PRORP: variants seen among roughly 807,000 people sequenced by gnomAD.
PRORP encodes the protein mitochondrial ribonuclease P catalytic subunit.
PRORP carries 51 observed loss-of-function variants against 59.4 expected under a neutral mutation model. That is an observed-to-expected ratio of 0.86 (90% CI 0.69 to 1.08). The LOEUF is 1.08. Among genes scored for constraint, PRORP ranks in the 50% least tolerant of loss-of-function variants. PRORP has a pLI of 0.00. For missense variants in PRORP, 646 were observed against 690.3 expected (o/e 0.94, Z 0.72); for synonymous variants, 231 against 245.6 (o/e 0.94, Z 0.55).
chr14:35,127,062 C>G (rs998639823), intron 3 of PRORP, among the ~76,000 whole-genome samples: 5 of 152,072 alleles, frequency 3.3e-5, no homozygotes, highest in Admixed American at 1.3e-4. Context: ...ATTTAATTCA[C>G]CAATATGATA....
chr14:35,216,131 A>C, intron 5 of PRORP, among the ~76,000 whole-genome samples: 1 of 147,708 alleles, frequency 6.8e-6, no homozygotes, highest in Admixed American at 6.8e-5. Flanking sequence ...TATAATATAT[A>C]ATATATTTAT....
rs139052806 is a variant in PRORP at position 35,183,172 on chromosome 14, TTG to T, written c.1275+2403_1275+2404del. 4.9e-3 allele frequency among the ~76,000 whole-genome samples: 751 copies of T among 151,996 alleles called. 6 individuals are homozygous for T. Among genetic ancestry groups the T allele is most frequent in the Non-Finnish European group, 7.6e-3 (518 of 67,948 alleles). On this transcript the variant is annotated intron_variant, in intron 5 of 7. Coordinates refer to ENST00000534898, the MANE Select transcript of PRORP (RefSeq NM_014672.4). ...ATAGATAAATGTTTGTTAGATAAGT[TTG>T]TGTGTGTATGCCCAAAAAATTTCTA...
At position 35,151,934 on chromosome 14, in the gene PRORP, CTT is replaced by C. The variant is rs11342103; in HGVS notation, c.1167+24339_1167+24340del. ...TCTTCTTTTTTTTTTGTTAATCCAT[CTT>C]TTTTTTTTTTTTTTTATTGATCATT... On this transcript the variant is annotated intron_variant, in intron 4 of 7. Coordinates refer to ENST00000534898, the MANE Select transcript of PRORP (RefSeq NM_014672.4). 1.0e-3 allele frequency among the ~76,000 whole-genome samples: 125 copies of C among 124,806 alleles called. 1 individual carries two copies. The highest frequency in any genetic ancestry group is 4.3e-3 in the East Asian group (18 of 4,170). The allele number at this position is 124,806 out of a possible 152,430, so 81.9% of individuals were successfully genotyped here.
chr14:35,151,745 G>A (rs1341563768), intron 4 of PRORP, among the ~76,000 whole-genome samples: 1 of 151,700 alleles, frequency 6.6e-6, no homozygotes, highest in African/African-American at 2.4e-5. Flanking sequence ...ATTTTTAAAT[G>A]CCTGTTTAGA....
intron 5 of PRORP, among the ~76,000 whole-genome samples, chr14:35,197,044 A>G (rs1008924268): frequency 5.9e-5 from 9 of 152,188 alleles, no homozygotes; most frequent in Admixed American, 4.6e-4. Flanking sequence ...AGATTTCCCC[A>G]ATTGTTGTAG....
chr14:35,273,028 G>A (rs185656114), intron 7 of PRORP, among the ~76,000 whole-genome samples: 1 of 152,018 alleles, frequency 6.6e-6, no homozygotes, highest in African/African-American at 2.4e-5. Context: ...ACAGTTTTTT[G>A]TTGTTGTTGT....
intron 5 of PRORP, among the ~76,000 whole-genome samples, chr14:35,191,476 A>T (rs185516005): frequency 7.9e-5 from 12 of 152,220 alleles, no homozygotes; most frequent in South Asian, 6.2e-4. Flanking sequence ...CTGAGGCGGG[A>T]GAATCACTTG....
In PRORP at chr14:35,274,992, A is replaced by G. The variant is rs554280157; in HGVS notation, c.*1426A>G. 2.0e-5 allele frequency: 3 copies of G among 152,238 alleles called. No homozygotes were observed. The East Asian group carries it at 5.8e-4, about 29-fold the overall frequency. 9.4% of individuals were successfully genotyped at this position (152,238 alleles called of 1,614,324 possible). A position where few individuals can be genotyped will look rare whatever the true frequency, so the allele number is the denominator to read the frequency against. ...ATGATAGTTCTTTCTTTACGTATAC[A>G]TACTGTATTCAATATGCAAGAACAG... On this transcript the variant is annotated 3_prime_UTR_variant, in exon 8 of 8. Coordinates refer to ENST00000534898, the MANE Select transcript of PRORP (RefSeq NM_014672.4).
At chr14:35,233,126 G>A (rs1262077687) in intron 5 of PRORP, among the ~76,000 whole-genome samples, 3 of 136,924 alleles carry the variant, frequency 2.2e-5, no homozygotes, top group South Asian at 2.2e-4. Context: ...CAACCCATTC[G>A]GCAAATACTT....
chr14:35,239,503 A>G (rs1319991386), intron 5 of PRORP, among the ~76,000 whole-genome samples: 2 of 151,740 alleles, frequency 1.3e-5, no homozygotes, highest in Non-Finnish European at 3.0e-5. Context: ...CTTATAATTA[A>G]GAGTTTATTA....
At chr14:35,235,509 C>G (rs1313716459) in intron 5 of PRORP, 1 of 602,894 alleles carries the variant, frequency 1.7e-6, no homozygotes, top group African/African-American at 1.8e-5. Flanking sequence ...TGTGCAGTCA[C>G]CACCAGCTGA....
intron 5 of PRORP, among the ~76,000 whole-genome samples, chr14:35,257,475 T>C (rs1450080879): frequency 6.6e-6 from 1 of 152,208 alleles, no homozygotes; most frequent in African/African-American, 2.4e-5. Context: ...AGTGTCTGGC[T>C]TTTTTCACTT....
intron 4 of PRORP, among the ~76,000 whole-genome samples, chr14:35,173,396 C>T (rs537487821): frequency 1.2e-4 from 18 of 152,284 alleles, no homozygotes; most frequent in African/African-American, 3.9e-4. Context: ...CAGTGGGTAG[C>T]AGCTGAGATC....
chr14:35,265,202 G>A (rs1408762081), intron 5 of PRORP, among the ~76,000 whole-genome samples: 1 of 152,066 alleles, frequency 6.6e-6, no homozygotes, highest in African/African-American at 2.4e-5. Context: ...AGAGAAGCTA[G>A]ACTAAAATAA....
At chr14:35,140,268 A>T (rs1309894112) in intron 4 of PRORP, among the ~76,000 whole-genome samples, 1 of 144,060 alleles carries the variant, frequency 6.9e-6, no homozygotes, top group African/African-American at 2.5e-5. Flanking sequence ...AAACTGCCCA[A>T]CTGTTTTCCA....
At chr14:35,257,669 TC>T (rs1280931498) in intron 5 of PRORP, among the ~76,000 whole-genome samples, 11 of 152,306 alleles carry the variant, frequency 7.2e-5, no homozygotes, top group Admixed American at 1.3e-4. Flanking sequence ...TAATGAATGT[TC>T]TTATAAATGA....
chr14:35,153,516 CAG>C (rs1595199742), intron 4 of PRORP, among the ~76,000 whole-genome samples: 2 of 152,272 alleles, frequency 1.3e-5, no homozygotes, highest in East Asian at 3.9e-4. Context: ...TTGTAAGTAA[CAG>C]AATTAAGATT....
chr14:35,271,727 A>G (rs963756062), intron 7 of PRORP, among the ~76,000 whole-genome samples: 3 of 152,194 alleles, frequency 2.0e-5, no homozygotes, highest in Admixed American at 6.5e-5. Context: ...ATAAGGTTCA[A>G]TTATCAAAAA....
rs1220489260 is a variant in PRORP, at chr14:35,180,716, A to G, written c.1214A>G (p.Asp405Gly). 6.2e-7 allele frequency: 1 copy of G among 1,613,168 alleles called. No homozygotes were observed. The highest frequency in any genetic ancestry group is 1.3e-5 in the African/African-American group (1 of 74,896). ...ENFIKSRPPF[D>G]VVIDGLNVAK... Reference sequence around the variant, plus strand: ...TTCATAAAATCTCGTCCTCCTTTTGATGTTGTCATTGATGGTCTCAATGTT... The same window carrying G: ...TTCATAAAATCTCGTCCTCCTTTTGGTGTTGTCATTGATGGTCTCAATGTT... Residue 405 changes from aspartate to glycine, a missense_variant, in exon 5 of 8, where the codon GAT (aspartate) becomes GGT (glycine). Transcript: ENST00000534898.
Sources: gnomAD v4.1 joint callset for allele counts (sites outside exome capture counted in the v4.1 genomes callset) on GRCh38, gnomAD v4.1.1 for gene constraint, MANE v1.5 for transcripts, NCBI Gene and HGNC (gene_info 2026-07-23, HGNC 2026-07-21) for gene names.